Variants in CNTNAP4 observed in about 807,000 individuals in gnomAD.
CNTNAP4 encodes contactin associated protein family member 4.
CNTNAP4 carries 98 observed loss-of-function variants against 148.4 expected under a neutral mutation model. The ratio of observed to expected loss-of-function variants is 0.66; its 90% CI spans 0.56 to 0.78. The LOEUF (loss-of-function observed/expected upper bound fraction) is 0.78. CNTNAP4 is among the 30% of genes least tolerant of loss of function. The probability of loss-of-function intolerance (pLI) is 0.00; values close to 1 mark genes in which losing one functional copy is unlikely to be tolerated. For synonymous variants in CNTNAP4, 730 were observed against 565.1 expected (o/e 1.29, Z -4.14); for missense variants, 1,935 against 1,565.6 (o/e 1.24, Z -3.98).
intron 14 of CNTNAP4, among the ~76,000 whole-genome samples, chr16:76,496,969 A>G (rs9934702): frequency 0.026 from 4,011 of 152,330 alleles, 165 homozygotes; most frequent in African/African-American, 0.088. Context: ...TTAAGTAGAT[A>G]AGTGAGAACT....
intron 8 of CNTNAP4, among the ~76,000 whole-genome samples, chr16:76,455,679 G>A (rs921382431): frequency 6.6e-6 from 1 of 152,202 alleles, no homozygotes; most frequent in African/African-American, 2.4e-5. Flanking sequence ...AGAATGTCTG[G>A]CACTTCAGTG....
chr16:76,451,585 A>G (rs908514661), intron 7 of CNTNAP4, among the ~76,000 whole-genome samples: 1 of 145,308 alleles, frequency 6.9e-6, no homozygotes, highest in Non-Finnish European at 1.5e-5. Flanking sequence ...TAAAAATAAA[A>G]ATATTTTAGA....
chr16:76,319,440 C>A (rs1296799278), intron 2 of CNTNAP4, among the ~76,000 whole-genome samples: 1 of 152,014 alleles, frequency 6.6e-6, no homozygotes, highest in Non-Finnish European at 1.5e-5. Context: ...AACATACTTT[C>A]CATTCGAAGT....
In CNTNAP4 at chr16:76,494,084, C is replaced by CTT. The variant is rs35209511; in HGVS notation, c.2081-816_2081-815dup. ...AGATGACTACAATTTTTCCTCCATA[C>CTT]TTTTTTTTTTTCCATGATAGATTGG... On this transcript the variant is annotated intron_variant, in intron 13 of 23. Transcript: ENST00000611870. Among the ~76,000 whole-genome samples, 306 of 149,008 alleles carry CTT rather than the reference C, an allele frequency of 2.1e-3. 6 individuals are homozygous for CTT. In the East Asian group the frequency reaches 0.035, roughly 17 times the overall value.
chr16:76,398,601 T>C (rs899196734), intron 3 of CNTNAP4, among the ~76,000 whole-genome samples: 29 of 152,180 alleles, frequency 1.9e-4, no homozygotes, highest in African/African-American at 7.0e-4. Flanking sequence ...TAGTAGGGTA[T>C]ACAAATACTA....
chr16:76,490,552 A>G (rs1271277910), intron 13 of CNTNAP4, among the ~76,000 whole-genome samples: 3 of 152,206 alleles, frequency 2.0e-5, no homozygotes, highest in Non-Finnish European at 4.4e-5. Context: ...TCACTGCAAG[A>G]GCTTTCCAGC....
In CNTNAP4 at chr16:76,448,073, C is replaced by T. The variant is rs1428949302; in HGVS notation, c.600C>T (p.Ser200=). 4 of 1,613,446 alleles carry T rather than the reference C, an allele frequency of 2.5e-6. No homozygotes were observed. The highest frequency in any genetic ancestry group is 3.4e-6 in the Non-Finnish European group (4 of 1,179,674). ...SSLLYRFDQK[S]LSPIKDIISL... ...TTCTCTACAGATTTGATCAAAAATC[C>T]CTGAGCCCAATAAAAGACATTATTT... is the stretch of plus-strand genomic sequence containing the variant. The change falls in exon 5 of 24, where the codon TCC becomes TCT. Residue 200 remains serine (S), a synonymous_variant. Transcript: ENST00000611870.
In CNTNAP4 at chr16:76,448,544, G is replaced by C. The variant is rs537072895; in HGVS notation, c.743-223G>C. ...TAAAATTTACATAGAAAATGAGCGT[G>C]CAATCAGTAATAATGACAAAAAGAA... is the stretch of plus-strand genomic sequence containing the variant. On this transcript the variant is annotated intron_variant, in intron 5 of 23. Coordinates refer to ENST00000611870, the MANE Select transcript of CNTNAP4 (RefSeq NM_033401.5). 2.0e-5 allele frequency among the ~76,000 whole-genome samples: 3 copies of C among 152,206 alleles called. No individual in the cohort carries two copies. The South Asian group carries it at 6.2e-4, about 32-fold the overall frequency.
At chr16:76,337,997 A>G (rs1964162463) in intron 2 of CNTNAP4, among the ~76,000 whole-genome samples, 1 of 152,176 alleles carries the variant, frequency 6.6e-6, no homozygotes. Flanking sequence ...TCAAACACAC[A>G]TGTTTTACAA....
chr16:76,532,126 T>A lies in CNTNAP4; in HGVS notation c.2756-3419T>A, dbSNP rs139317914. Among the ~76,000 whole-genome samples the A allele has an allele frequency of 8.5e-4, 129 of 152,322 alleles. 1 individual carries two copies. The highest frequency in any genetic ancestry group is 3.0e-3 in the African/African-American group (126 of 41,580). On this transcript the variant is annotated intron_variant, in intron 17 of 23. Coordinates refer to ENST00000611870, the MANE Select transcript of CNTNAP4 (RefSeq NM_033401.5). ...TGTCAGCAAGATTGATTTCATATAG[T>A]TTCATACCTTCAGTGCCCAGAAAGA...
intron 2 of CNTNAP4, among the ~76,000 whole-genome samples, chr16:76,331,308 C>T (rs977331923): frequency 6.6e-6 from 1 of 152,034 alleles, no homozygotes; most frequent in African/African-American, 2.4e-5. Context: ...CTGTCTCAGC[C>T]TCCCGAGTAG....
At chr16:76,532,424 C>CA (rs980143518) in intron 17 of CNTNAP4, among the ~76,000 whole-genome samples, 1 of 151,998 alleles carries the variant, frequency 6.6e-6, no homozygotes, top group Non-Finnish European at 1.5e-5. Flanking sequence ...TAAACAAACA[C>CA]AAAAAAATCA....
At chr16:76,438,273 A>G (rs555752301) in intron 4 of CNTNAP4, among the ~76,000 whole-genome samples, 9 of 152,194 alleles carry the variant, frequency 5.9e-5, no homozygotes, top group Admixed American at 5.2e-4. Context: ...GCTCAAGGTG[A>G]AATGCCAAGC....
chr16:76,308,406 T>C (rs904147910), intron 1 of CNTNAP4, among the ~76,000 whole-genome samples: 1 of 152,114 alleles, frequency 6.6e-6, no homozygotes, highest in Non-Finnish European at 1.5e-5. Context: ...CAATCCTAGG[T>C]GTATTGTCAG....
chr16:76,503,554 G>C (rs1006854917), intron 15 of CNTNAP4, among the ~76,000 whole-genome samples: 1 of 152,132 alleles, frequency 6.6e-6, no homozygotes. Context: ...TATACTTTAA[G>C]TTCTAGGGTA....
At chr16:76,329,024 A>G (rs983368054) in intron 2 of CNTNAP4, among the ~76,000 whole-genome samples, 1 of 152,174 alleles carries the variant, frequency 6.6e-6, no homozygotes, top group East Asian at 1.9e-4. Context: ...TGTAACTCTA[A>G]AAGTATTTTA....
At chr16:76,282,898 CTT>C (rs1958741429) in intron 1 of CNTNAP4, among the ~76,000 whole-genome samples, 1 of 151,490 alleles carries the variant, frequency 6.6e-6, no homozygotes, top group Non-Finnish European at 1.5e-5. Flanking sequence ...CAAATGGTCA[CTT>C]GTTAAAATAG....
rs1441413044 is a variant in CNTNAP4 at position 76,448,934 on chromosome 16, A to T, written c.910A>T (p.Met304Leu). The T allele has an allele frequency of 3.1e-6, 5 of 1,598,430 alleles. No homozygotes were observed. Among genetic ancestry groups the T allele is most frequent in the Non-Finnish European group, 4.3e-6 (5 of 1,166,204 alleles). ...CCATGCACGGGGAGAATTCAATCTCATGAATCTTGATTATGAGGTGTGATG... is the reference window on the plus strand; with the variant it reads ...CCATGCACGGGGAGAATTCAATCTCTTGAATCTTGATTATGAGGTGTGATG... ...HFHARGEFNL[M>L]NLDYEISFGG... The change falls in exon 6 of 24, where the codon ATG becomes TTG. Residue 304 changes from methionine (M) to leucine (L), a missense_variant. Physicochemically the swap from Met to Leu is conservative, Grantham distance 15. Transcript: ENST00000611870.
At chr16:76,378,171 A>G (rs977000145) in intron 3 of CNTNAP4, among the ~76,000 whole-genome samples, 3 of 152,186 alleles carry the variant, frequency 2.0e-5, no homozygotes, top group African/African-American at 4.8e-5. Flanking sequence ...AAAATTACCT[A>G]TGGGATACAA....
Sources: gnomAD v4.1 joint callset for allele counts (sites outside exome capture counted in the v4.1 genomes callset) on GRCh38, gnomAD v4.1.1 for gene constraint, MANE v1.5 for transcripts, NCBI Gene and HGNC (gene_info 2026-07-23, HGNC 2026-07-21) for gene names.